Variants in ARHGAP29 observed in about 807,000 individuals in gnomAD.
ARHGAP29 encodes the protein Rho GTPase activating protein 29.
A neutral mutation model predicts 122.6 loss-of-function variants in ARHGAP29; 43 were observed. The ratio of observed to expected loss-of-function variants is 0.35; its 90% CI spans 0.27 to 0.45. The LOEUF (loss-of-function observed/expected upper bound fraction) is 0.45, where lower values mean the gene tolerates loss of function less well. Ranked by LOEUF, ARHGAP29 falls within the 20% of genes least tolerant of loss-of-function variation. ARHGAP29 has a pLI of 1.00. For synonymous variants in ARHGAP29, 506 were observed against 497.1 expected (o/e 1.02, Z -0.24); for missense variants, 1,303 against 1,477.2 (o/e 0.88, Z 1.93).
At chr1:94,189,193 C>T (rs1649986830) in intron 14 of ARHGAP29, 23 bp downstream of exon 14, 1 of 1,576,834 alleles carries the variant, frequency 6.3e-7, no homozygotes, top group South Asian at 1.2e-5. Flanking sequence ...TAAATTAGCA[C>T]TCTCTTTAGG....
At position 94,237,563 on chromosome 1, in the gene ARHGAP29, A is replaced by T; in HGVS notation, c.-181T>A. The T allele has an allele frequency of 1.0e-6, 1 of 991,172 alleles. No individual in the cohort carries two copies. The highest frequency in any genetic ancestry group is 1.2e-6 in the Non-Finnish European group (1 of 834,342). 61.4% of individuals were successfully genotyped at this position (991,172 alleles called of 1,614,324 possible). ...CAGCCGCAGCCGCAGCCGCAGCCAC[A>T]GCCACAGGCACCACCACCACTGCAG... On this transcript the variant is annotated 5_prime_UTR_variant, in exon 1 of 23. Coordinates refer to ENST00000260526, the MANE Select transcript of ARHGAP29 (RefSeq NM_004815.4).
intron 13 of ARHGAP29, among the ~76,000 whole-genome samples, chr1:94,189,653 A>G (rs1650016793): frequency 6.6e-6 from 1 of 152,134 alleles, no homozygotes; most frequent in African/African-American, 2.4e-5. Flanking sequence ...ATTTTTGTCG[A>G]CCTTCAAAAC....
chr1:94,214,325 T>C (rs1159807730), intron 3 of ARHGAP29, among the ~76,000 whole-genome samples: 3 of 152,326 alleles, frequency 2.0e-5, no homozygotes, highest in East Asian at 1.9e-4. Flanking sequence ...TTAGCCTCTA[T>C]AGCTCTCATC....
chr1:94,203,026 G>A, intron 9 of ARHGAP29, 28 bp from the exon 10 acceptor site: 1 of 1,599,522 alleles, frequency 6.3e-7, no homozygotes, highest in South Asian at 1.1e-5. Flanking sequence ...AATGGAAAAA[G>A]AGAAAAGCAA....
intron 1 of ARHGAP29, among the ~76,000 whole-genome samples, chr1:94,234,800 T>C (rs1186103978): frequency 6.6e-6 from 1 of 152,158 alleles, no homozygotes; most frequent in Non-Finnish European, 1.5e-5. Context: ...ACTCTTGCAG[T>C]TTACTTAATA....
chr1:94,253,503 C>A (rs567499963), intron 1 of ARHGAP29, among the ~76,000 whole-genome samples: 6 of 152,252 alleles, frequency 3.9e-5, no homozygotes, highest in African/African-American at 1.4e-4. Context: ...TACAAATTTA[C>A]TCCTATTATT....
chr1:94,240,283 C>G (rs574349312), upstream of ARHGAP29, among the ~76,000 whole-genome samples: 8 of 152,266 alleles, frequency 5.3e-5, no homozygotes, highest in South Asian at 1.7e-3. Flanking sequence ...AGAAGTCTCT[C>G]AATCTCAATC....
At chr1:94,181,216 A>T (rs1432840113) in intron 19 of ARHGAP29, among the ~76,000 whole-genome samples, 1 of 152,184 alleles carries the variant, frequency 6.6e-6, no homozygotes, top group Non-Finnish European at 1.5e-5. Context: ...ACAGAATCCT[A>T]AGGAGACTCA....
chr1:94,212,545 T>C lies in ARHGAP29; in HGVS notation c.341-3195A>G, dbSNP rs528147513. On this transcript the variant is annotated intron_variant, in intron 3 of 22. Coordinates refer to ENST00000260526, the MANE Select transcript of ARHGAP29 (RefSeq NM_004815.4). ...CTTTAAGCTGTTAAAAAATAGTTTA[T>C]AACCCTATCCAAAATTGTATAATTA... 1.1e-4 allele frequency among the ~76,000 whole-genome samples: 17 copies of C among 152,344 alleles called. No individual in the cohort carries two copies. In the South Asian group the frequency reaches 3.5e-3, roughly 32 times the overall value.
intron 1 of ARHGAP29, chr1:94,250,286 T>C (rs1280299711): frequency 6.6e-6 from 1 of 152,222 alleles, no homozygotes; most frequent in Non-Finnish European, 1.5e-5. Context: ...TGTATTTTTA[T>C]TGATTCCACA....
intron 7 of ARHGAP29, among the ~76,000 whole-genome samples, chr1:94,204,523 ATGCTATATGACTTTAAGCAAATC>A (rs1310119144): frequency 1.3e-5 from 2 of 149,722 alleles, no homozygotes; most frequent in Non-Finnish European, 2.9e-5. Context: ...TCTTCCAGTT[ATGCTATATGACTTTAAGCAAATC>A]TGCTATATGA....
intron 1 of ARHGAP29, among the ~76,000 whole-genome samples, chr1:94,251,699 T>A (rs1299213292): frequency 6.6e-6 from 1 of 152,224 alleles, no homozygotes; most frequent in Admixed American, 6.5e-5. Flanking sequence ...GCTTTTCCCA[T>A]ACATCTACGT....
At chr1:94,196,256 CTTTTTTTTTTTTTTTT>C (rs917635883) in intron 12 of ARHGAP29, among the ~76,000 whole-genome samples, 3 of 91,150 alleles carry the variant, frequency 3.3e-5, no homozygotes, top group Non-Finnish European at 5.8e-5. Context: ...CCGTGTTTTT[CTTTTTTTTTTTTTTTT>C]TTTTTTTGAG....
intron 1 of ARHGAP29, among the ~76,000 whole-genome samples, chr1:94,246,264 G>C (rs1653790638): frequency 6.6e-6 from 1 of 152,138 alleles, no homozygotes; most frequent in Admixed American, 6.5e-5. Context: ...ACTGCGTAAA[G>C]AAATCACTAC....
chr1:94,173,919 G>A lies in ARHGAP29; in HGVS notation c.3736C>T (p.Arg1246Ter), dbSNP rs762753584. 1.3e-5 allele frequency: 21 copies of A among 1,613,216 alleles called. No homozygotes were observed. The highest frequency in any genetic ancestry group is 1.6e-4 in the Middle Eastern group (1 of 6,080). The change falls in exon 23 of 23, where the codon CGA (arginine) becomes TGA (stop). Residue 1246 changes from arginine (R) to a stop codon, truncating the protein, a stop_gained. Transcript: ENST00000260526. LOFTEE classifies it high-confidence loss of function. ...TCGAGGTCTTCAAACTGTTGCATTC[G>A]TTTTAGCCTTGGTCTCTGACACATT... ...NPMCQRPRLK[R>*]MQQFEDLEGE...
At chr1:94,235,141 T>C (rs940217136) in intron 1 of ARHGAP29, among the ~76,000 whole-genome samples, 10 of 152,138 alleles carry the variant, frequency 6.6e-5, no homozygotes, top group African/African-American at 2.4e-4. Context: ...ATTATAATGA[T>C]TAATGTGCTG....
chr1:94,269,787 T>A (rs547085905), intron 1 of ARHGAP29, among the ~76,000 whole-genome samples: 33 of 152,250 alleles, frequency 2.2e-4, no homozygotes, highest in African/African-American at 7.9e-4. Flanking sequence ...TTAAAGAGCT[T>A]GTATTCTAGT....
At chr1:94,237,854 G>A (rs1653400564), upstream of ARHGAP29, 1 of 701,692 alleles carries the variant, frequency 1.4e-6, no homozygotes. Flanking sequence ...AGGACTAGAT[G>A]CGGCTAATGG....
At chr1:94,261,556 T>C (rs193009823) in intron 1 of ARHGAP29, among the ~76,000 whole-genome samples, 29 of 152,274 alleles carry the variant, frequency 1.9e-4, no homozygotes, top group African/African-American at 7.0e-4. Flanking sequence ...ATTTCAGCTG[T>C]CTCAGGATAC....
Sources: gnomAD v4.1 joint callset for allele counts (sites outside exome capture counted in the v4.1 genomes callset) on GRCh38, gnomAD v4.1.1 for gene constraint, MANE v1.5 for transcripts, NCBI Gene and HGNC (gene_info 2026-07-23, HGNC 2026-07-21) for gene names.